Variants in ANKS1B observed in about 807,000 individuals in gnomAD.
ANKS1B encodes the protein ankyrin repeat and sterile alpha motif domain-containing protein 1B.
A neutral mutation model predicts 148.3 loss-of-function variants in ANKS1B; 36 were observed. The ratio of observed to expected loss-of-function variants is 0.24; its 90% CI spans 0.19 to 0.32. The LOEUF (loss-of-function observed/expected upper bound fraction) is 0.32, where lower values mean the gene tolerates loss of function less well. Ranked by LOEUF, ANKS1B falls within the 10% of genes least tolerant of loss-of-function variation. ANKS1B has a pLI of 1.00. For missense variants in ANKS1B, 1,157 were observed against 1,542.6 expected, an observed-to-expected ratio of 0.75 and a Z score of 4.19; for synonymous variants, 542 against 560.8, an observed-to-expected ratio of 0.97 and a Z score of 0.47.
At chr12:98,937,675 C>A (rs752346038) in intron 17 of ANKS1B, among the ~76,000 whole-genome samples, 8 of 152,116 alleles carry the variant, frequency 5.3e-5, no homozygotes, top group Non-Finnish European at 1.0e-4. Context: ...ACACATGCCA[C>A]CTATAAGCTG....
intron 10 of ANKS1B, among the ~76,000 whole-genome samples, chr12:99,473,208 T>G (rs1246655143): frequency 6.6e-6 from 1 of 152,054 alleles, no homozygotes; most frequent in Admixed American, 6.6e-5. Flanking sequence ...GTTTTAAATT[T>G]ACATTAATAT....
chr12:99,843,155 G>T (rs1243806781), intron 1 of ANKS1B, among the ~76,000 whole-genome samples: 2 of 152,008 alleles, frequency 1.3e-5, no homozygotes, highest in East Asian at 3.9e-4. Flanking sequence ...CATCATTTCT[G>T]TCATTTATGT....
chr12:99,139,238 TTC>T (rs920332468), intron 15 of ANKS1B, among the ~76,000 whole-genome samples: 8 of 145,560 alleles, frequency 5.5e-5, no homozygotes, highest in East Asian at 2.1e-4. Context: ...CCTTCCTTCC[TTC>T]TCTCTTTCTT....
intron 23 of ANKS1B, among the ~76,000 whole-genome samples, chr12:98,781,675 T>C (rs1487238430): frequency 6.6e-6 from 1 of 152,158 alleles, no homozygotes; most frequent in Non-Finnish European, 1.5e-5. Flanking sequence ...AGATAATGCT[T>C]GGATGTATAC....
chr12:99,313,385 G>A (rs557038018), intron 12 of ANKS1B, among the ~76,000 whole-genome samples: 3 of 152,236 alleles, frequency 2.0e-5, no homozygotes, highest in African/African-American at 7.2e-5. Flanking sequence ...CCAAACAACT[G>A]AAAAGGAGGG....
chr12:99,832,717 C>A (rs2084219548), intron 1 of ANKS1B, among the ~76,000 whole-genome samples: 1 of 149,830 alleles, frequency 6.7e-6, no homozygotes, highest in Non-Finnish European at 1.5e-5. Flanking sequence ...GAGAGAGACT[C>A]CATCTTTAAA....
chr12:99,654,979 T>C (rs148999224), intron 9 of ANKS1B, 88 bp downstream of exon 9: 5 of 1,388,104 alleles, frequency 3.6e-6, no homozygotes, highest in African/African-American at 1.4e-5. Context: ...AGATCCTAAT[T>C]TGATTTTCGA....
At chr12:99,693,556 T>G (rs1200849442) in intron 8 of ANKS1B, among the ~76,000 whole-genome samples, 1 of 152,210 alleles carries the variant, frequency 6.6e-6, no homozygotes, top group Non-Finnish European at 1.5e-5. Context: ...AGCATACTAT[T>G]GCAATAAAAT....
At chr12:99,550,401 ATCAATTGAGGTCAGGAGT>A (rs1473864487) in intron 9 of ANKS1B, among the ~76,000 whole-genome samples, 1 of 152,162 alleles carries the variant, frequency 6.6e-6, no homozygotes, top group Admixed American at 6.5e-5. Flanking sequence ...AGGCAGGCAG[ATCAATTGAGGTCAGGAGT>A]TCAAGACCAG....
chr12:99,856,801 G>A (rs1321392010), intron 1 of ANKS1B, among the ~76,000 whole-genome samples: 4 of 152,098 alleles, frequency 2.6e-5, no homozygotes, highest in African/African-American at 9.7e-5. Context: ...CATCTCAATA[G>A]ACACAGAAAA....
chr12:99,387,466 A>T (rs1593682302), intron 12 of ANKS1B, among the ~76,000 whole-genome samples: 1 of 152,146 alleles, frequency 6.6e-6, no homozygotes, highest in Non-Finnish European at 1.5e-5. Flanking sequence ...AATACAAAAA[A>T]TTAGCCAAGT....
intron 12 of ANKS1B, among the ~76,000 whole-genome samples, chr12:99,331,594 A>G (rs2152277883): frequency 1.3e-5 from 2 of 152,110 alleles, no homozygotes; most frequent in South Asian, 4.1e-4. Context: ...TCAGAATGAG[A>G]TCTGTACTTA....
chr12:99,855,137 G>A (rs1447402022), intron 1 of ANKS1B, among the ~76,000 whole-genome samples: 1 of 152,034 alleles, frequency 6.6e-6, no homozygotes, highest in Non-Finnish European at 1.5e-5. Flanking sequence ...CAACAATAAA[G>A]TATCTGCTGT....
chr12:99,413,693 A>T (rs2094796946), intron 11 of ANKS1B, among the ~76,000 whole-genome samples: 2 of 152,220 alleles, frequency 1.3e-5, no homozygotes, highest in Non-Finnish European at 2.9e-5. Context: ...TTTTATATAG[A>T]GGTATCTGAC....
chr12:99,967,096 C>T lies in ANKS1B; in HGVS notation c.134+17008G>A, dbSNP rs188839190. Among the ~76,000 whole-genome samples the T allele has an allele frequency of 1.1e-4, 17 of 151,850 alleles. No individual in the cohort carries two copies. In the South Asian group the frequency reaches 2.5e-3, roughly 22 times the overall value. On this transcript the variant is annotated intron_variant, in intron 1 of 26. Coordinates refer to ENST00000683438, the MANE Select transcript of ANKS1B (RefSeq NM_001352186.2). ...TATAATGCAAATATTCCAGAGTTTC[C>T]CATTCAATAAAAGATACTCATGAAA...
rs774808575 is a variant in ANKS1B at position 99,775,637 on chromosome 12, G to A, written c.872C>T (p.Ser291Phe). 3.1e-6 allele frequency: 5 copies of A among 1,609,684 alleles called. No homozygotes were observed. Among genetic ancestry groups the A allele is most frequent in the Middle Eastern group, 1.6e-4 (1 of 6,072 alleles). The change falls in exon 7 of 27, where the codon TCT becomes TTT. Residue 291 changes from serine (S) to phenylalanine (F), a missense_variant. This residue lies in a region of ANKS1B where 661 missense variants were observed against 642.1 expected (regional missense o/e 1.03). Transcript: ENST00000683438. ...CTGTACAGGCTCTTCGAGGACTGTA[G>A]ATCTTCCCACGCCTTCTAAATACTC... ...LQEYLEGVGR[S>F]TVLEEPVQED...
intron 14 of ANKS1B, among the ~76,000 whole-genome samples, chr12:99,175,316 A>G (rs1203155745): frequency 6.6e-6 from 1 of 152,200 alleles, no homozygotes; most frequent in Admixed American, 6.5e-5. Context: ...GCTTGAGACC[A>G]GAAGTGTTTC....
chr12:99,907,271 G>A (rs936968405), intron 1 of ANKS1B, among the ~76,000 whole-genome samples: 1 of 152,096 alleles, frequency 6.6e-6, no homozygotes, highest in South Asian at 2.1e-4. Flanking sequence ...TTTTCCTGAG[G>A]CTGTCTGCTG....
intron 15 of ANKS1B, among the ~76,000 whole-genome samples, chr12:99,089,381 T>A (rs1181420287): frequency 6.6e-6 from 1 of 152,160 alleles, no homozygotes; most frequent in African/African-American, 2.4e-5. Context: ...CTCTGTCAAA[T>A]GTTAAGAATG....
Sources: gnomAD v4.1 joint callset for allele counts (sites outside exome capture counted in the v4.1 genomes callset) on GRCh38, gnomAD v4.1.1 for gene constraint, gnomAD v4.1.1 regional missense constraint, MANE v1.5 for transcripts, NCBI Gene and HGNC (gene_info 2026-07-23, HGNC 2026-07-21) for gene names.